UTRN: variants seen among roughly 807,000 people sequenced by gnomAD.
UTRN encodes the protein dystrophin-related protein 1.
In UTRN, 283 loss-of-function variants were observed where a neutral mutation model predicts 463.9. That is an observed-to-expected ratio of 0.61 (90% CI 0.55 to 0.67). The LOEUF (loss-of-function observed/expected upper bound fraction) is 0.67. UTRN is among the 30% of genes least tolerant of loss of function. The probability of loss-of-function intolerance (pLI) is 0.00; values close to 1 mark genes in which losing one functional copy is unlikely to be tolerated. For missense variants in UTRN, 3,922 were observed against 4,084.3 expected, an observed-to-expected ratio of 0.96 and a Z score of 1.08; for synonymous variants, 1,442 against 1,431.5, an observed-to-expected ratio of 1.01 and a Z score of -0.17.
chr6:144,787,412 T>G (rs546747471), intron 61 of UTRN, among the ~76,000 whole-genome samples: 9 of 152,322 alleles, frequency 5.9e-5, no homozygotes, highest in Non-Finnish European at 7.3e-5. Flanking sequence ...TATTAAGTAT[T>G]AGTCACTTCA....
At chr6:144,643,038 T>C (rs762078447) in intron 51 of UTRN, among the ~76,000 whole-genome samples, 25 of 152,196 alleles carry the variant, frequency 1.6e-4, no homozygotes, top group Admixed American at 5.2e-4. Flanking sequence ...GGAGTTATTA[T>C]TGTTATTTTA....
chr6:144,445,609 A>G (rs1584814783), intron 14 of UTRN, among the ~76,000 whole-genome samples: 1 of 151,790 alleles, frequency 6.6e-6, no homozygotes, highest in African/African-American at 2.4e-5. Context: ...AGGAATCACA[A>G]AAGGGACCTG....
intron 56 of UTRN, among the ~76,000 whole-genome samples, chr6:144,752,644 G>A (rs1791526043): frequency 6.6e-6 from 1 of 152,140 alleles, no homozygotes; most frequent in Admixed American, 6.5e-5. Flanking sequence ...TTTGCAAAGA[G>A]TGTTAATAAC....
At chr6:144,652,380 A>G (rs1033579905) in intron 51 of UTRN, among the ~76,000 whole-genome samples, 4 of 152,204 alleles carry the variant, frequency 2.6e-5, no homozygotes, top group African/African-American at 9.6e-5. Context: ...CGATTAAACT[A>G]TAATTTTCTT....
In UTRN at chr6:144,714,714, T is replaced by C. The variant is rs1786191976; in HGVS notation, c.7809+14471T>C. Among the ~76,000 whole-genome samples, 3 of 152,208 alleles carry C rather than the reference T, an allele frequency of 2.0e-5. No individual in the cohort carries two copies. In the South Asian group the frequency reaches 6.2e-4, roughly 32 times the overall value. ...TGCCTCTTAAAACTTGCTTCAAGCA[T>C]CTTTCCATCTCCTTAGGTAAGGAAG... On this transcript the variant is annotated intron_variant, in intron 53 of 74. Coordinates refer to ENST00000367545, the MANE Select transcript of UTRN (RefSeq NM_007124.3).
intron 51 of UTRN, among the ~76,000 whole-genome samples, chr6:144,621,149 A>G (rs145584832): frequency 1.3e-5 from 2 of 152,300 alleles, no homozygotes; most frequent in East Asian, 1.9e-4. Flanking sequence ...GTCAAGATTA[A>G]ATGAGCTATT....
rs567254056 is a variant in UTRN at position 144,487,713 on chromosome 6, T to C, written c.3972+16T>C. On this transcript the variant is annotated intron_variant, in intron 29 of 74. Coordinates refer to ENST00000367545, the MANE Select transcript of UTRN (RefSeq NM_007124.3). ...AAGTCACCTGGTAAGAGTTGGGACATACATGGGTGTTGATTAGGTATTGAT... is the reference window on the plus strand; with the variant it reads ...AAGTCACCTGGTAAGAGTTGGGACACACATGGGTGTTGATTAGGTATTGAT... 4.4e-6 allele frequency: 7 copies of C among 1,590,118 alleles called. No individual in the cohort carries two copies. In the African/African-American group the frequency reaches 8.1e-5, roughly 18 times the overall value.
At chr6:144,482,441 A>ATTC (rs1791996863) in intron 27 of UTRN, 53 bp downstream of exon 27, 1 of 1,113,908 alleles carries the variant, frequency 9.0e-7, no homozygotes, top group African/African-American at 1.7e-5. Flanking sequence ...TATTATTATT[A>ATTC]TTTTCAGTGA....
chr6:144,432,482 A>G (rs1257139306), intron 9 of UTRN, among the ~76,000 whole-genome samples: 1 of 152,236 alleles, frequency 6.6e-6, no homozygotes. Flanking sequence ...TTCAGCAGGT[A>G]CGTCTTATGA....
intron 71 of UTRN, chr6:144,837,377 G>A (rs2128761005): frequency 6.6e-6 from 1 of 152,368 alleles, no homozygotes; most frequent in South Asian, 2.1e-4. Context: ...ACAGCACACT[G>A]TAGGGAATTA....
At position 144,548,642 on chromosome 6, in the gene UTRN, C is replaced by T. The variant is rs144429345; in HGVS notation, c.6598C>T (p.His2200Tyr). Residue 2200 changes from histidine (H) to tyrosine (Y), a missense_variant and splice_region_variant, in exon 47 of 75, where the codon CAT becomes TAT. By Grantham distance (83) the His-to-Tyr change is moderately conservative. Transcript: ENST00000367545. The part of the protein sequence containing the change: ...SSVSQTRIAA[H>Y]PNVQKVVLVS... ...TTTTGCTACATTTTTCATTTCAGCTCATCCTAATGTCCAAAAGGTGGTGCT... is the reference window on the plus strand; with the variant it reads ...TTTTGCTACATTTTTCATTTCAGCTTATCCTAATGTCCAAAAGGTGGTGCT... 872 of 1,611,550 alleles carry T rather than the reference C, an allele frequency of 5.4e-4. No individual in the cohort carries two copies. Among genetic ancestry groups the T allele is most frequent in the Middle Eastern group, 8.3e-4 (5 of 6,016 alleles).
At chr6:144,665,545 A>G (rs1359132254) in intron 51 of UTRN, among the ~76,000 whole-genome samples, 2 of 152,254 alleles carry the variant, frequency 1.3e-5, no homozygotes, top group East Asian at 3.8e-4. Context: ...CATTAGAGAA[A>G]TGCCCAGTTA....
chr6:144,422,713 A>G (rs530023059), intron 4 of UTRN, among the ~76,000 whole-genome samples: 3 of 152,236 alleles, frequency 2.0e-5, no homozygotes, highest in East Asian at 3.9e-4. Flanking sequence ...ATACAACTCT[A>G]TTATTTTATG....
rs34192951 is a variant in UTRN, at chr6:144,477,869, CTCTATCTA to C, written c.3337-1908_3337-1901del. ...GAAGGTGATAATTAGAAGTTTGTAT[CTCTATCTA>C]TCTATCTATCTATCTATCTATCTAT... On this transcript the variant is annotated intron_variant, in intron 25 of 74. Coordinates refer to ENST00000367545, the MANE Select transcript of UTRN (RefSeq NM_007124.3). Among the ~76,000 whole-genome samples, 299 of 148,898 alleles carry C rather than the reference CTCTATCTA, an allele frequency of 2.0e-3. 2 individuals are homozygous for C. The highest frequency in any genetic ancestry group is 0.019 in the East Asian group (98 of 5,046).
At chr6:144,787,120 C>T (rs796777010) in intron 61 of UTRN, among the ~76,000 whole-genome samples, 74 of 152,282 alleles carry the variant, frequency 4.9e-4, no homozygotes, top group African/African-American at 1.6e-3. Flanking sequence ...TATCCTTAGC[C>T]ACATTCATGT....
intron 50 of UTRN, among the ~76,000 whole-genome samples, chr6:144,559,114 T>A (rs931790364): frequency 3.9e-5 from 6 of 152,076 alleles, no homozygotes; most frequent in African/African-American, 1.4e-4. Flanking sequence ...TTCTTATTTT[T>A]TTTTTTTGCT....
Position 144,487,631 on chromosome 6 carries a change from C to A in UTRN, c.3906C>A (p.Ile1302=). 6.2e-7 allele frequency: 1 copy of A among 1,613,482 alleles called. No individual in the cohort carries two copies. Among genetic ancestry groups the A allele is most frequent in the South Asian group, 1.1e-5 (1 of 91,014 alleles). ...GCCAGACTCTGATTGATGGGGGGAT[C>A]CTGGATGATATAATCAGTGAGAAAC... ...ELGQTLIDGG[I]LDDIISEKLE... is the part of the protein sequence containing the mutation. Residue 1302 remains isoleucine (I), a synonymous_variant, in exon 29 of 75, where the codon ATC becomes ATA. Coordinates refer to ENST00000367545, the MANE Select transcript of UTRN (RefSeq NM_007124.3).
intron 54 of UTRN, among the ~76,000 whole-genome samples, chr6:144,731,530 TTTGACTATAACTG>T (rs372537709): frequency 0.011 from 1,702 of 152,336 alleles, 18 homozygotes; most frequent in South Asian, 0.031. Context: ...AAATGCTTTC[TTTGACTATAACTG>T]GAACTGGATC....
intron 9 of UTRN, among the ~76,000 whole-genome samples, chr6:144,434,014 C>T (rs931162470): frequency 5.1e-4 from 77 of 151,894 alleles, no homozygotes; most frequent in Non-Finnish European, 4.9e-4. Flanking sequence ...GAGGTTGTAG[C>T]GAGCCGAGAT....
Sources: allele counts gnomAD v4.1 joint callset (sites outside exome capture counted in the v4.1 genomes callset), GRCh38; gene constraint gnomAD v4.1.1; transcripts MANE v1.5; gene names NCBI Gene and HGNC (gene_info 2026-07-23, HGNC 2026-07-21).